Variants in PRKCB observed in about 807,000 individuals in gnomAD.
PRKCB encodes protein kinase C beta.
Under a neutral mutation model 81.5 loss-of-function variants are expected in PRKCB, and 13 were observed. That is an observed-to-expected ratio of 0.16 (90% CI 0.10 to 0.25). The LOEUF (loss-of-function observed/expected upper bound fraction) is 0.25. Among genes scored for constraint, PRKCB ranks in the 10% least tolerant of loss-of-function variants. The probability of loss-of-function intolerance (pLI) is 1.00; values close to 1 mark genes in which losing one functional copy is unlikely to be tolerated. For missense variants in PRKCB, 509 were observed against 875.7 expected (o/e 0.58, Z 5.29); for synonymous variants, 335 against 321.4 (o/e 1.04, Z -0.45).
intron 3 of PRKCB, among the ~76,000 whole-genome samples, chr16:24,004,968 A>G (rs749058852): frequency 6.6e-6 from 1 of 152,212 alleles, no homozygotes; most frequent in Non-Finnish European, 1.5e-5. Flanking sequence ...TACCAATTAG[A>G]GTTTATATAA....
At chr16:23,946,759 G>A (rs1193190492) in intron 2 of PRKCB, among the ~76,000 whole-genome samples, 2 of 152,132 alleles carry the variant, frequency 1.3e-5, no homozygotes, top group African/African-American at 4.8e-5. Flanking sequence ...GTCTGGGGAG[G>A]GGCCGGGCCT....
intron 16 of PRKCB, among the ~76,000 whole-genome samples, chr16:24,195,964 T>C (rs964902912): frequency 9.9e-5 from 15 of 152,128 alleles, no homozygotes; most frequent in African/African-American, 3.4e-4. Flanking sequence ...TTTCCTATGC[T>C]CTCACCAGCC....
chr16:23,906,146 G>A (rs1318188445), intron 2 of PRKCB, among the ~76,000 whole-genome samples: 3 of 152,160 alleles, frequency 2.0e-5, no homozygotes, highest in Admixed American at 1.3e-4. Context: ...TTTCTGTACA[G>A]GATCTGTTCA....
At position 24,191,146 on chromosome 16, in the gene PRKCB, T is replaced by C. The variant is rs574612696; in HGVS notation, c.1779T>C (p.Asp593=). ...GTTGTGGACCTGAAGGCGAACGTGA[T>C]ATCAAAGAGCATGCATTTTTCCGGT... ...RLGCGPEGER[D]IKEHAFFRYI... is the part of the protein sequence containing the mutation. Residue 593 remains aspartate (D), a synonymous_variant, in exon 16 of 17, where the codon GAT becomes GAC. Coordinates refer to ENST00000643927, the MANE Select transcript of PRKCB (RefSeq NM_002738.7). 2 of 1,614,138 alleles carry C rather than the reference T, an allele frequency of 1.2e-6. No individual in the cohort carries two copies. Among genetic ancestry groups the C allele is most frequent in the South Asian group, 2.2e-5 (2 of 91,084 alleles).
chr16:24,104,217 T>C (rs1191089760), intron 7 of PRKCB, among the ~76,000 whole-genome samples: 1 of 152,214 alleles, frequency 6.6e-6, no homozygotes. Flanking sequence ...TTTTTATTTC[T>C]AGGGGTTTTT....
At chr16:23,984,222 G>A (rs1414210384) in intron 2 of PRKCB, among the ~76,000 whole-genome samples, 16 of 152,202 alleles carry the variant, frequency 1.1e-4, no homozygotes, top group Non-Finnish European at 2.9e-5. Flanking sequence ...TTGTAGAATA[G>A]TCATGATATG....
intron 5 of PRKCB, among the ~76,000 whole-genome samples, chr16:24,072,649 T>G (rs1442519559): frequency 6.6e-6 from 1 of 151,818 alleles, no homozygotes; most frequent in Non-Finnish European, 1.5e-5. Context: ...TGGCATGATC[T>G]CTGCTCACTG....
intron 12 of PRKCB, among the ~76,000 whole-genome samples, chr16:24,179,314 G>A (rs198137): frequency 0.42 from 64,331 of 152,058 alleles, 14,019 homozygotes; most frequent in African/African-American, 0.53. Context: ...AAGAATTGAA[G>A]GAGGGTGGTT....
At chr16:23,873,964 C>T (rs1263914226) in intron 2 of PRKCB, among the ~76,000 whole-genome samples, 1 of 152,100 alleles carries the variant, frequency 6.6e-6, no homozygotes, top group Admixed American at 6.5e-5. Flanking sequence ...GTAAATCACT[C>T]GGTCACTTCC....
chr16:23,863,148 A>G (rs117461382), intron 2 of PRKCB, among the ~76,000 whole-genome samples: 13,025 of 146,768 alleles, frequency 0.089, 673 homozygotes, highest in Middle Eastern at 0.17. Flanking sequence ...GTGTATGTGT[A>G]TATATATACA....
At chr16:24,145,360 C>T (rs1966973401) in intron 9 of PRKCB, among the ~76,000 whole-genome samples, 2 of 152,102 alleles carry the variant, frequency 1.3e-5, no homozygotes, top group Non-Finnish European at 2.9e-5. Flanking sequence ...GGAGGATCTC[C>T]TGAGGCCAGG....
chr16:23,954,546 G>A (rs1336212066), intron 2 of PRKCB, among the ~76,000 whole-genome samples: 2 of 152,232 alleles, frequency 1.3e-5, no homozygotes, highest in Non-Finnish European at 2.9e-5. Context: ...GAGGAGTAAA[G>A]GAGGAGTGAA....
intron 3 of PRKCB, among the ~76,000 whole-genome samples, chr16:23,991,901 G>T (rs1362222496): frequency 1.3e-5 from 2 of 152,214 alleles, no homozygotes; most frequent in African/African-American, 4.8e-5. Flanking sequence ...GGTATATGCT[G>T]CTGTGGTGTG....
intron 2 of PRKCB, among the ~76,000 whole-genome samples, chr16:23,876,616 G>A (rs376856334): frequency 1.5e-4 from 23 of 151,850 alleles, no homozygotes; most frequent in East Asian, 3.9e-4. Context: ...ACCTCTCTGC[G>A]TTTCTCTTTC....
At chr16:24,045,289 G>T (rs1334359544) in intron 5 of PRKCB, among the ~76,000 whole-genome samples, 1 of 152,172 alleles carries the variant, frequency 6.6e-6, no homozygotes, top group South Asian at 2.1e-4. Flanking sequence ...CCCAGGCCCT[G>T]TCTGGGTATT....
intron 2 of PRKCB, among the ~76,000 whole-genome samples, chr16:23,849,486 C>A (rs1249031106): frequency 6.6e-6 from 1 of 152,040 alleles, no homozygotes; most frequent in South Asian, 2.1e-4. Context: ...AAGATTTGAT[C>A]GTTATTTGGA....
intron 9 of PRKCB, among the ~76,000 whole-genome samples, chr16:24,133,165 C>T (rs1966856035): frequency 6.6e-6 from 1 of 151,996 alleles, no homozygotes; most frequent in South Asian, 2.1e-4. Flanking sequence ...ATCACTTGAA[C>T]CCAGGAGATG....
chr16:24,010,624 T>G (rs898745857), intron 3 of PRKCB, among the ~76,000 whole-genome samples: 1 of 152,184 alleles, frequency 6.6e-6, no homozygotes, highest in Non-Finnish European at 1.5e-5. Context: ...CTGGGACATA[T>G]CCTTAGTTAG....
intron 5 of PRKCB, among the ~76,000 whole-genome samples, chr16:24,057,548 T>C (rs555292068): frequency 6.6e-6 from 1 of 152,344 alleles, no homozygotes; most frequent in African/African-American, 2.4e-5. Flanking sequence ...TGAATATGAT[T>C]CTTTACACGC....
Sources: allele counts gnomAD v4.1 joint callset (sites outside exome capture counted in the v4.1 genomes callset), GRCh38; gene constraint gnomAD v4.1.1; transcripts MANE v1.5; gene names NCBI Gene and HGNC (gene_info 2026-07-23, HGNC 2026-07-21).